The following KIRREL3 variants were observed in gnomAD, a reference collection of about 807,000 sequenced individuals.
KIRREL3 encodes the protein kirre like nephrin family adhesion molecule 3, also known as kin of IRRE-like protein 3.
A neutral mutation model predicts 89.7 loss-of-function variants in KIRREL3; 36 were observed. The observed-to-expected ratio is 0.40, with a 90% confidence interval of 0.31 to 0.53. The LOEUF (loss-of-function observed/expected upper bound fraction) is 0.53, where lower values mean the gene tolerates loss of function less well. KIRREL3 is among the 20% of genes least tolerant of loss of function. The probability of loss-of-function intolerance (pLI) is 0.49; values close to 1 mark genes in which losing one functional copy is unlikely to be tolerated. For missense variants in KIRREL3, 864 were observed against 1,056.6 expected, an observed-to-expected ratio of 0.82 and a Z score of 2.53; for synonymous variants, 445 against 441.4, an observed-to-expected ratio of 1.01 and a Z score of -0.10.
At chr11:126,458,350 C>G (rs1956440693) in intron 6 of KIRREL3, among the ~76,000 whole-genome samples, 1 of 152,268 alleles carries the variant, frequency 6.6e-6, no homozygotes, top group African/African-American at 2.4e-5. Flanking sequence ...AAGGCCCCAG[C>G]TGGCCCAGTT....
At chr11:126,951,806 C>T (rs1162873764) in intron 1 of KIRREL3, among the ~76,000 whole-genome samples, 3 of 152,168 alleles carry the variant, frequency 2.0e-5, no homozygotes, top group Admixed American at 6.5e-5. Context: ...AGCCACCAGT[C>T]GCTGGGTCCA....
chr11:126,978,308 G>A lies in KIRREL3; in HGVS notation c.55+22147C>T, dbSNP rs765685597. Among the ~76,000 whole-genome samples the A allele has an allele frequency of 2.0e-5, 3 of 152,032 alleles. No homozygotes were observed. In the South Asian group the frequency reaches 6.2e-4, roughly 32 times the overall value. On this transcript the variant is annotated intron_variant, in intron 1 of 16. Transcript: ENST00000525144. This position sits in a 1 kb window ranked among gnomAD's most constrained non-coding sequence, Gnocchi z 4.2. ...GTCAGATCTGTCCTCCCCTGTGGTG[G>A]GCGTGTTCTTCACCTTCCCTTCAAA... is the stretch of plus-strand genomic sequence containing the variant.
intron 1 of KIRREL3, among the ~76,000 whole-genome samples, chr11:126,631,226 A>G (rs528276101): frequency 6.6e-6 from 1 of 152,274 alleles, no homozygotes; most frequent in African/African-American, 2.4e-5. Flanking sequence ...ATTCATTCTC[A>G]CAGATCTCTA....
Position 126,791,722 on chromosome 11 carries a change from G to A in KIRREL3, c.55+208733C>T, listed in dbSNP as rs1950646493. Reference sequence around the variant, plus strand: ...ATGAGTCTGAGCCCAGTGAAAGAGGGAGAGGGAACAGAGAGGGATGGCCAG... The same window carrying A: ...ATGAGTCTGAGCCCAGTGAAAGAGGAAGAGGGAACAGAGAGGGATGGCCAG... On this transcript the variant is annotated intron_variant, in intron 1 of 16. Transcript: ENST00000525144. This position sits in a 1 kb window ranked among gnomAD's most constrained non-coding sequence, Gnocchi z 4.8. Among the ~76,000 whole-genome samples the A allele has an allele frequency of 6.6e-6, 1 of 152,188 alleles. No individual in the cohort carries two copies. The highest frequency in any genetic ancestry group is 2.1e-4 in the South Asian group (1 of 4,828).
intron 1 of KIRREL3, among the ~76,000 whole-genome samples, chr11:126,585,418 GA>G (rs1165018607): frequency 6.6e-6 from 1 of 151,480 alleles, no homozygotes; most frequent in African/African-American, 2.4e-5. Flanking sequence ...ATTTTCAGTA[GA>G]GATGGGTTTT....
intron 1 of KIRREL3, among the ~76,000 whole-genome samples, chr11:126,919,963 C>T (rs1049894298): frequency 6.6e-6 from 1 of 152,060 alleles, no homozygotes; most frequent in Non-Finnish European, 1.5e-5. Context: ...TAATTGTGTG[C>T]CATTTATTGA....
At chr11:126,809,157 C>T (rs1222309740) in intron 1 of KIRREL3, among the ~76,000 whole-genome samples, 1 of 152,114 alleles carries the variant, frequency 6.6e-6, no homozygotes, top group Non-Finnish European at 1.5e-5. Flanking sequence ...TCAGCAAAAC[C>T]TTCATTAAGG....
rs144693536 is a variant in KIRREL3 at position 126,432,605 on chromosome 11, C to A, written c.1589-1079G>T. On this transcript the variant is annotated intron_variant, in intron 13 of 16. Coordinates refer to ENST00000525144, the MANE Select transcript of KIRREL3 (RefSeq NM_032531.4). This position sits in a 1 kb window ranked among gnomAD's most constrained non-coding sequence, Gnocchi z 6.2. ...CACCCCACTCCCACCCCGTCCAGCTCCACCCACAGAGTGACATGTGAGATC... is the reference window on the plus strand; with the variant it reads ...CACCCCACTCCCACCCCGTCCAGCTACACCCACAGAGTGACATGTGAGATC... Among the ~76,000 whole-genome samples the A allele has an allele frequency of 6.6e-6, 1 of 152,166 alleles. No individual in the cohort carries two copies. Among genetic ancestry groups the A allele is most frequent in the Non-Finnish European group, 1.5e-5 (1 of 68,002 alleles).
Position 126,498,844 on chromosome 11 carries a change from C to T in KIRREL3, c.433+22471G>A, listed in dbSNP as rs1420859554. ...CCAGTTCTTCACAGGCTCAGGACCT[C>T]GACGCACGGAAACTTCTGGATCATT... On this transcript the variant is annotated intron_variant, in intron 4 of 16. Transcript: ENST00000525144. This position sits in a 1 kb window ranked among gnomAD's most constrained non-coding sequence, Gnocchi z 4.3. Among the ~76,000 whole-genome samples, 2 of 152,182 alleles carry T rather than the reference C, an allele frequency of 1.3e-5. No individual in the cohort carries two copies. The highest frequency in any genetic ancestry group is 2.9e-5 in the Non-Finnish European group (2 of 68,038).
At chr11:126,556,328 G>A (rs1387024157) in intron 2 of KIRREL3, among the ~76,000 whole-genome samples, 1 of 152,220 alleles carries the variant, frequency 6.6e-6, no homozygotes, top group African/African-American at 2.4e-5. Flanking sequence ...GGATATGAGT[G>A]TGAGGGAAAG....
chr11:126,922,121 G>GTCTGTCTGTCTGTCTA lies in KIRREL3; in HGVS notation c.55+78333_55+78334insTAGACAGACAGACAGA, dbSNP rs61078651. ...TATCTATCGATCTATCTATCTGTCT[G>GTCTGTCTGTCTGTCTA]TCTATCTATCTATCTATCTATCTAT... On this transcript the variant is annotated intron_variant, in intron 1 of 16. Transcript: ENST00000525144. 2.1e-4 allele frequency among the ~76,000 whole-genome samples: 30 copies of GTCTGTCTGTCTGTCTA among 140,082 alleles called. 1 individual carries two copies. The South Asian group carries it at 3.2e-3, about 15-fold the overall frequency. 91.9% of individuals were successfully genotyped at this position (140,082 alleles called of 152,430 possible). A position where few individuals can be genotyped will look rare whatever the true frequency, so the allele number is the denominator to read the frequency against.
At chr11:126,445,805 G>A (rs1054194131) in intron 9 of KIRREL3, among the ~76,000 whole-genome samples, 1 of 152,156 alleles carries the variant, frequency 6.6e-6, no homozygotes, top group Non-Finnish European at 1.5e-5. Context: ...CTTCCTATGT[G>A]AGGACATCTG....
intron 1 of KIRREL3, among the ~76,000 whole-genome samples, chr11:126,834,907 C>T (rs1391112768): frequency 2.6e-5 from 4 of 152,218 alleles, no homozygotes; most frequent in South Asian, 4.1e-4. Flanking sequence ...ATGCTCAGAG[C>T]GTGGCAGCTC....
In KIRREL3 at chr11:126,876,810, C is replaced by T. The variant is rs1268143772; in HGVS notation, c.55+123645G>A. ...TCAGCCTCCCGAAGTGCTAGGATTA[C>T]AGGCGTGAGCCACCGTGCCTGGCCA... On this transcript the variant is annotated intron_variant, in intron 1 of 16. Transcript: ENST00000525144. The surrounding 1 kb of genome is among the most constrained non-coding windows in gnomAD (Gnocchi z 4.1). Among the ~76,000 whole-genome samples, 4 of 152,168 alleles carry T rather than the reference C, an allele frequency of 2.6e-5. No homozygotes were observed. Among genetic ancestry groups the T allele is most frequent in the Admixed American group, 6.5e-5 (1 of 15,284 alleles).
At chr11:126,979,353 CAAGT>C (rs1050018485) in intron 1 of KIRREL3, among the ~76,000 whole-genome samples, 28 of 152,288 alleles carry the variant, frequency 1.8e-4, no homozygotes, top group Admixed American at 1.4e-3. Context: ...CAAACTAGCA[CAAGT>C]AATAGGCCTT....
intron 4 of KIRREL3, among the ~76,000 whole-genome samples, chr11:126,518,478 G>A (rs911920917): frequency 1.3e-5 from 2 of 152,206 alleles, no homozygotes; most frequent in Non-Finnish European, 2.9e-5. Flanking sequence ...CTGCTTTCGC[G>A]TCTTCCGCAG....
rs1942921635 is a variant in KIRREL3, at chr11:126,607,100, T to G, written c.56-44188A>C. The stretch of plus-strand genomic sequence containing the variant: ...AGCCAAGAACCAACCACAGGGCTTG[T>G]CGTGGGGCTTATGAGTAGCTAGGGC... On this transcript the variant is annotated intron_variant, in intron 1 of 16. Transcript: ENST00000525144. The surrounding 1 kb of genome is among the most constrained non-coding windows in gnomAD (Gnocchi z 6.6). Among the ~76,000 whole-genome samples the G allele has an allele frequency of 6.6e-6, 1 of 152,132 alleles. No individual in the cohort carries two copies. Among genetic ancestry groups the G allele is most frequent in the African/African-American group, 2.4e-5 (1 of 41,416 alleles).
chr11:126,469,411 G>A (rs1032124093), intron 5 of KIRREL3, among the ~76,000 whole-genome samples: 21 of 151,990 alleles, frequency 1.4e-4, no homozygotes, highest in African/African-American at 4.6e-4. Flanking sequence ...CAGGAGTGCT[G>A]TTGGCCTATG....
At chr11:126,717,364 T>G (rs975263250) in intron 1 of KIRREL3, among the ~76,000 whole-genome samples, 1 of 152,238 alleles carries the variant, frequency 6.6e-6, no homozygotes, top group African/African-American at 2.4e-5. Context: ...ACTTTGACAG[T>G]GGTCACTGCT....
Sources: gnomAD v4.1 joint callset for allele counts (sites outside exome capture counted in the v4.1 genomes callset) on GRCh38, gnomAD v4.1.1 for gene constraint, Gnocchi (gnomAD v3.1) non-coding constraint, MANE v1.5 for transcripts, NCBI Gene and HGNC (gene_info 2026-07-23, HGNC 2026-07-21) for gene names.